ZNF574: variants seen among roughly 807,000 people sequenced by gnomAD.
The protein encoded by ZNF574 is zinc finger protein 574.
ZNF574 carries 25 observed loss-of-function variants against 56.6 expected under a neutral mutation model. That is an observed-to-expected ratio of 0.44 (90% CI 0.32 to 0.62). The LOEUF is 0.62. ZNF574 is among the 20% of genes least tolerant of loss of function. The pLI is 0.04. For missense variants in ZNF574, 1,065 were observed against 1,218.9 expected (o/e 0.87, Z 1.88); for synonymous variants, 543 against 492.1 (o/e 1.10, Z -1.37).
chr19:42,079,444 A>G lies in ZNF574; in HGVS notation c.838A>G (p.Asn280Asp), dbSNP rs1268989309. The G allele has an allele frequency of 3.1e-6, 5 of 1,613,546 alleles. No individual in the cohort carries two copies. Among genetic ancestry groups the G allele is most frequent in the Admixed American group, 3.3e-5 (2 of 60,006 alleles). The change falls in exon 2 of 2, where the codon AAT (asparagine) becomes GAT (aspartate). Residue 280 changes from asparagine (N) to aspartate (D), a missense_variant. Transcript: ENST00000359044. This position sits in a 1 kb window ranked among gnomAD's most constrained non-coding sequence, Gnocchi z 4.3. ...TTCTGACCACAGTTACGAGCTGCGC[A>G]ATGGTGAAGCCATTGGGCGGGATCG... is the stretch of plus-strand genomic sequence containing the variant. ...PASDHSYELR[N>D]GEAIGRDRRG...
upstream of ZNF574, chr19:42,075,246 G>A (rs2076447672): frequency 6.6e-6 from 1 of 152,376 alleles, no homozygotes; most frequent in Admixed American, 6.5e-5. Flanking sequence ...GCAGGAACGA[G>A]GTGAGTAGGA....
upstream of ZNF574, chr19:42,074,887 TTTC>T (rs1297251459): frequency 1.3e-5 from 2 of 152,220 alleles, no homozygotes; most frequent in African/African-American, 4.8e-5. Context: ...TCTGGAAATG[TTTC>T]TTTTCTTCTT....
At chr19:42,073,522 A>AT (rs1415270639), upstream of ZNF574, among the ~76,000 whole-genome samples, 3 of 143,560 alleles carry the variant, frequency 2.1e-5, no homozygotes, top group Non-Finnish European at 3.0e-5. Flanking sequence ...CCCTATCTCT[A>AT]TAAAAAAAAA....
chr19:42,073,901 G>C (rs1014037101), upstream of ZNF574, among the ~76,000 whole-genome samples: 2 of 150,912 alleles, frequency 1.3e-5, no homozygotes, highest in Middle Eastern at 3.4e-3. Flanking sequence ...AGGCTGGGTG[G>C]GGGGGTGGAT....
At chr19:42,070,775 G>T (rs1448442069) in intron 1 of ZNF574, 1 of 152,532 alleles carries the variant, frequency 6.6e-6, no homozygotes, top group Non-Finnish European at 1.5e-5. Flanking sequence ...CAAGAGAGAG[G>T]CCCCTGGAAA....
intron 1 of ZNF574, chr19:42,069,576 G>A (rs1372592036): frequency 7.1e-6 from 1 of 139,992 alleles, no homozygotes; most frequent in African/African-American, 2.6e-5. Context: ...CGGAAGGGGG[G>A]GGCACAGGCA....
chr19:42,080,828 G>T lies in ZNF574; in HGVS notation c.2222G>T (p.Ser741Ile). ...APARRRGLEC[S>I]ECKKLFSTET... ...GCCCGCCGCCGGGGTCTAGAGTGCA[G>T]CGAGTGCAAGAAGCTGTTCAGCACA... The change falls in exon 2 of 2, where the codon AGC (serine) becomes ATC (isoleucine). Residue 741 changes from serine to isoleucine, a missense_variant. Transcript: ENST00000359044. The surrounding 1 kb of genome is among the most constrained non-coding windows in gnomAD (Gnocchi z 8.5). 2 of 1,614,076 alleles carry T rather than the reference G, an allele frequency of 1.2e-6. No individual in the cohort carries two copies. Among genetic ancestry groups the T allele is most frequent in the Non-Finnish European group, 1.7e-6 (2 of 1,180,032 alleles).
At chr19:42,069,685 G>A (rs1599866984) in intron 1 of ZNF574, among the ~76,000 whole-genome samples, 1 of 138,480 alleles carries the variant, frequency 7.2e-6, no homozygotes, top group East Asian at 2.5e-4. Context: ...ACTGGGTGGA[G>A]AAAAGGAAGC....
rs1599876866 is a variant in ZNF574 at position 42,079,149 on chromosome 19, C to T, written c.543C>T (p.His181=). The T allele has an allele frequency of 5.6e-6, 9 of 1,613,876 alleles. No homozygotes were observed. The East Asian group carries it at 1.1e-4, about 20-fold the overall frequency. ...PVGQARVAVE[H]SYRKAEEGGE... ...GCCAGGCCCGAGTGGCTGTGGAGCA[C>T]TCATACCGAAAGGCAGAAGAGGGTG... Residue 181 remains histidine (H), a synonymous_variant, in exon 2 of 2, where the codon CAC becomes CAT. Coordinates refer to ENST00000359044, the MANE Select transcript of ZNF574 (RefSeq NM_022752.6). The surrounding 1 kb of genome is among the most constrained non-coding windows in gnomAD (Gnocchi z 4.3).
At chr19:42,073,027 C>T (rs1265866331), upstream of ZNF574, among the ~76,000 whole-genome samples, 1 of 152,266 alleles carries the variant, frequency 6.6e-6, no homozygotes, top group Non-Finnish European at 1.5e-5. Flanking sequence ...TCAGAGCAGG[C>T]CGAGCCTAGC....
chr19:42,069,669 G>A (rs1165234382), intron 1 of ZNF574, among the ~76,000 whole-genome samples: 1 of 150,924 alleles, frequency 6.6e-6, no homozygotes, highest in Non-Finnish European at 1.5e-5. Context: ...GCCACAGGGG[G>A]CGAGGACTGG....
At chr19:42,074,529 C>T (rs753322769), upstream of ZNF574, 5 of 152,050 alleles carry the variant, frequency 3.3e-5, no homozygotes, top group Non-Finnish European at 5.9e-5. Flanking sequence ...TCCTAGATGT[C>T]TTTTACTCTC....
At chr19:42,072,979 C>G (rs73932865), upstream of ZNF574, among the ~76,000 whole-genome samples, 1 of 152,374 alleles carries the variant, frequency 6.6e-6, no homozygotes, top group African/African-American at 2.4e-5. Flanking sequence ...TGTCACCTAC[C>G]CCAGGTGATT....
intron 1 of ZNF574, among the ~76,000 whole-genome samples, chr19:42,077,319 A>C (rs1479465419): frequency 6.6e-6 from 1 of 152,154 alleles, no homozygotes; most frequent in Non-Finnish European, 1.5e-5. Context: ...AAAGGAGCTT[A>C]AGCCATTGTG....
upstream of ZNF574, among the ~76,000 whole-genome samples, chr19:42,071,802 A>C (rs1446123962): frequency 1.3e-5 from 2 of 152,078 alleles, no homozygotes. Context: ...TTGGGAGTTC[A>C]AGACCAGCCT....
chr19:42,074,749 G>A (rs1244332586), upstream of ZNF574: 1 of 152,212 alleles, frequency 6.6e-6, no homozygotes, highest in Non-Finnish European at 1.5e-5. Flanking sequence ...CATAGAATTG[G>A]CCCCGGGTCT....
upstream of ZNF574, among the ~76,000 whole-genome samples, chr19:42,073,443 T>C (rs978999435): frequency 2.0e-5 from 3 of 151,412 alleles, no homozygotes; most frequent in Admixed American, 1.3e-4. Flanking sequence ...CCCACCATTT[T>C]GGGAGGCCAA....
intron 1 of ZNF574, among the ~76,000 whole-genome samples, chr19:42,077,395 A>G (rs945095621): frequency 1.3e-5 from 2 of 152,082 alleles, no homozygotes; most frequent in Non-Finnish European, 2.9e-5. Flanking sequence ...GGAGGGTCTG[A>G]GCATCCCTAG....
exon 1 of ZNF574, chr19:42,068,941 C>T (rs1161027361): frequency 1.9e-5 from 12 of 632,972 alleles, no homozygotes; most frequent in South Asian, 3.5e-5. Context: ...AGCAGGGGCA[C>T]GGACATGCCA....
Sources: gnomAD v4.1 joint callset for allele counts (sites outside exome capture counted in the v4.1 genomes callset) on GRCh38, gnomAD v4.1.1 for gene constraint, Gnocchi (gnomAD v3.1) non-coding constraint, MANE v1.5 for transcripts, NCBI Gene and HGNC (gene_info 2026-07-23, HGNC 2026-07-21) for gene names.